CACNA1B: variants seen among roughly 807,000 people sequenced by gnomAD.
The protein encoded by CACNA1B is voltage-dependent N-type calcium channel subunit alpha-1B.
A neutral mutation model predicts 247.2 loss-of-function variants in CACNA1B; 70 were observed. The ratio of observed to expected loss-of-function variants is 0.28; its 90% CI spans 0.23 to 0.35. The LOEUF is 0.35. Ranked by LOEUF, CACNA1B falls within the 10% of genes least tolerant of loss-of-function variation. The pLI is 1.00. For synonymous variants in CACNA1B, 1,231 were observed against 1,294.4 expected, an observed-to-expected ratio of 0.95 and a Z score of 1.05; for missense variants, 2,367 against 3,197.4, an observed-to-expected ratio of 0.74 and a Z score of 6.26.
In CACNA1B at chr9:138,102,780, G is replaced by C. The variant is rs762577612; in HGVS notation, c.5292G>C (p.Lys1764Asn). ...KHMSPPLGLGKKCPARVAYKR... is the reference protein window; with the variant it reads ...KHMSPPLGLGNKCPARVAYKR... ...TGTCCCCGCCTCTGGGGCTGGGGAAGAAATGCCCTGCTCGAGTTGCTTACA... is the reference window on the plus strand; with the variant it reads ...TGTCCCCGCCTCTGGGGCTGGGGAACAAATGCCCTGCTCGAGTTGCTTACA... The change falls in exon 38 of 47, where the codon AAG becomes AAC. Residue 1764 changes from lysine (K) to asparagine (N), a missense_variant. By Grantham distance (94) the Lys-to-Asn change is moderately conservative (BLOSUM62 0). Transcript: ENST00000371372. The surrounding 1 kb of genome is among the most constrained non-coding windows in gnomAD (Gnocchi z 5.4). 1.2e-6 allele frequency: 2 copies of C among 1,612,262 alleles called. No individual in the cohort carries two copies. The highest frequency in any genetic ancestry group is 3.3e-5 in the Admixed American group (2 of 59,954).
chr9:137,976,089 A>T lies in CACNA1B; in HGVS notation c.1656+70A>T, dbSNP rs143911599. 5,474 of 937,062 alleles carry T rather than the reference A, an allele frequency of 5.8e-3. 100 individuals carry two copies. The highest frequency in any genetic ancestry group is 0.05 in the African/African-American group (3,056 of 61,626). The allele number at this position is 937,062 out of a possible 1,614,324, so 58.0% of individuals were successfully genotyped here. A position where few individuals can be genotyped will look rare whatever the true frequency, so the allele number is the denominator to read the frequency against. On this transcript the variant is annotated intron_variant, in intron 12 of 46. Coordinates refer to ENST00000371372, the MANE Select transcript of CACNA1B (RefSeq NM_000718.4). Reference sequence around the variant, plus strand: ...GCAGGTGCACACAGCCCCCTCCCATAGGCCATGCCCAGTGTGGGCTGGGGT... The same window carrying T: ...GCAGGTGCACACAGCCCCCTCCCATTGGCCATGCCCAGTGTGGGCTGGGGT...
intron 10 of CACNA1B, among the ~76,000 whole-genome samples, chr9:137,961,369 T>C (rs926216934): frequency 6.6e-6 from 1 of 152,226 alleles, no homozygotes; most frequent in Non-Finnish European, 1.5e-5. Flanking sequence ...TATTTCTTTA[T>C]CTTGCCAGAT....
rs1004110892 is a variant in CACNA1B, at chr9:138,043,695, A to G, written c.3287-79A>G. The G allele has an allele frequency of 3.2e-6, 5 of 1,547,796 alleles. No homozygotes were observed. The Admixed American group carries it at 5.1e-5, about 16-fold the overall frequency. On this transcript the variant is annotated intron_variant, in intron 20 of 46. Coordinates refer to ENST00000371372, the MANE Select transcript of CACNA1B (RefSeq NM_000718.4). ...AGGACCTGACGCAAGTGCCGGGGGCATGGGAGCTGGGAGGGAGCCACGCAA... is the reference window on the plus strand; with the variant it reads ...AGGACCTGACGCAAGTGCCGGGGGCGTGGGAGCTGGGAGGGAGCCACGCAA...
At chr9:137,994,304 C>G (rs1029471818) in intron 15 of CACNA1B, among the ~76,000 whole-genome samples, 1 of 152,206 alleles carries the variant, frequency 6.6e-6, no homozygotes, top group Non-Finnish European at 1.5e-5. Flanking sequence ...AGGATGCCCA[C>G]TGTCACCACT....
chr9:137,984,384 C>G, intron 13 of CACNA1B, 134 bp downstream of exon 13: 1 of 695,764 alleles, frequency 1.4e-6, no homozygotes, highest in Non-Finnish European at 2.5e-6. Flanking sequence ...GATTTAAATA[C>G]AAAAGGTGGT....
rs1367349056 is a variant in CACNA1B, at chr9:137,954,200, C to T, written c.1071-1498C>T. Among the ~76,000 whole-genome samples the T allele has an allele frequency of 2.0e-5, 3 of 152,196 alleles. No homozygotes were observed. The highest frequency in any genetic ancestry group is 4.4e-5 in the Non-Finnish European group (3 of 68,018). ...GCCCCCAAGCCAGGGGCTGGCACCC[C>T]CCATGTGGGTCCTGCACCCCGGGGT... is the stretch of plus-strand genomic sequence containing the variant. On this transcript the variant is annotated intron_variant, in intron 7 of 46. Transcript: ENST00000371372. This position sits in a 1 kb window ranked among gnomAD's most constrained non-coding sequence, Gnocchi z 4.1.
chr9:137,986,951 T>G lies in CACNA1B; in HGVS notation c.1974+97T>G. Reference sequence around the variant, plus strand: ...CTCCTGTCATTCCCTCCCTTGTTCCTCCACACGGCCCAGATCACTGACTTT... The same window carrying G: ...CTCCTGTCATTCCCTCCCTTGTTCCGCCACACGGCCCAGATCACTGACTTT... On this transcript the variant is annotated intron_variant, in intron 15 of 46. Transcript: ENST00000371372. The surrounding 1 kb of genome is among the most constrained non-coding windows in gnomAD (Gnocchi z 6.0). The G allele has an allele frequency of 1.1e-6, 1 of 910,308 alleles. No homozygotes were observed. The highest frequency in any genetic ancestry group is 1.8e-6 in the Non-Finnish European group (1 of 545,884). The allele number at this position is 910,308 out of a possible 1,614,324, so 56.4% of individuals were successfully genotyped here. A position where few individuals can be genotyped will look rare whatever the true frequency, so the allele number is the denominator to read the frequency against.
intron 3 of CACNA1B, among the ~76,000 whole-genome samples, chr9:137,897,366 G>A (rs531955044): frequency 6.6e-6 from 1 of 152,208 alleles, no homozygotes; most frequent in South Asian, 2.1e-4. Context: ...GATCACCTGA[G>A]GTCAGGAGTT....
In CACNA1B at chr9:137,956,720, G is replaced by C. The variant is rs1190402471; in HGVS notation, c.1187-51G>C. The C allele has an allele frequency of 2.6e-6, 4 of 1,540,128 alleles. No individual in the cohort carries two copies. In the African/African-American group the frequency reaches 4.1e-5, roughly 16 times the overall value. Reference sequence around the variant, plus strand: ...GACAGAGATGTGCCTCTGTCCTGGGGCATTCCTGGGGTCAGGAGGGCTCTG... The same window carrying C: ...GACAGAGATGTGCCTCTGTCCTGGGCCATTCCTGGGGTCAGGAGGGCTCTG... On this transcript the variant is annotated intron_variant, in intron 8 of 46. Transcript: ENST00000371372.
chr9:138,043,785 G>A lies in CACNA1B; in HGVS notation c.3298G>A (p.Asp1100Asn), dbSNP rs769456458. 8.1e-6 allele frequency: 13 copies of A among 1,613,936 alleles called. 1 individual carries two copies. The highest frequency in any genetic ancestry group is 1.7e-5 in the Admixed American group (1 of 60,022). ...CTGTGTCCTTGTAGGTGGTAACGTG[G>A]ACCTGGAAAGCCAAGCAGAGGGGAA... ...EATVVPSGNV[D>N]LESQAEGKKE... The change falls in exon 21 of 47, where the codon GAC becomes AAC. Residue 1100 changes from aspartate (D) to asparagine (N), a missense_variant. Physicochemically the swap from Asp to Asn is conservative, Grantham distance 23 (BLOSUM62 1). Around this residue, in one of 12 missense-constraint regions of CACNA1B, gnomAD observed 631 missense variants for 631.1 expected, o/e 1.00. Transcript: ENST00000371372.
At chr9:137,956,740 G>T (rs1957953688) in intron 8 of CACNA1B, 31 bp from the exon 9 acceptor site, 1 of 1,604,908 alleles carries the variant, frequency 6.2e-7, no homozygotes, top group African/African-American at 1.3e-5. Context: ...GGTCAGGAGG[G>T]CTCTGACCTG....
At chr9:138,104,804 G>A (rs749511967) in intron 38 of CACNA1B, among the ~76,000 whole-genome samples, 11 of 152,232 alleles carry the variant, frequency 7.2e-5, no homozygotes, top group Non-Finnish European at 1.5e-4. Context: ...TGCTCCCCAC[G>A]CTCAAAATAT....
intron 38 of CACNA1B, 147 bp from the exon 39 acceptor site, chr9:138,105,552 C>T (rs899389601): frequency 6.8e-6 from 4 of 592,442 alleles, no homozygotes; most frequent in African/African-American, 5.5e-5. Context: ...AAAACTCCCA[C>T]CCGCCCCACC....
intron 39 of CACNA1B, among the ~76,000 whole-genome samples, chr9:138,111,463 C>T (rs753731673): frequency 5.5e-4 from 83 of 152,192 alleles, no homozygotes; most frequent in African/African-American, 1.9e-3. Flanking sequence ...GGACCCAAAA[C>T]ACATCAGTGG....
chr9:138,021,951 T>C (rs1300680848), intron 18 of CACNA1B, among the ~76,000 whole-genome samples: 1 of 152,182 alleles, frequency 6.6e-6, no homozygotes, highest in African/African-American at 2.4e-5. Flanking sequence ...TCCCTGGCGA[T>C]GGTGGGGCTT....
At position 137,952,151 on chromosome 9, in the gene CACNA1B, A is replaced by T; in HGVS notation, c.967-123A>T. The T allele has an allele frequency of 1.4e-6, 1 of 721,314 alleles. No individual in the cohort carries two copies. 44.7% of individuals were successfully genotyped at this position (721,314 alleles called of 1,614,324 possible). A position where few individuals can be genotyped will look rare whatever the true frequency, so the allele number is the denominator to read the frequency against. On this transcript the variant is annotated intron_variant, in intron 6 of 46. Transcript: ENST00000371372. The surrounding 1 kb of genome is among the most constrained non-coding windows in gnomAD (Gnocchi z 4.8). ...GGACCTCCCTGTGACTGGCCTCCCCACTGCCTGGACCCTACCAGGTGTGTG... is the reference window on the plus strand; with the variant it reads ...GGACCTCCCTGTGACTGGCCTCCCCTCTGCCTGGACCCTACCAGGTGTGTG...
chr9:138,024,851 C>G (rs965677027), intron 19 of CACNA1B, 104 bp from the exon 20 acceptor site: 1 of 785,588 alleles, frequency 1.3e-6, no homozygotes, highest in African/African-American at 1.7e-5. Flanking sequence ...CCAGGCTGGT[C>G]TTGAACTCCT....
At position 138,049,435 on chromosome 9, in the gene CACNA1B, T is replaced by C. The variant is rs41298145; in HGVS notation, c.3710+120T>C. 17,531 of 722,458 alleles carry C rather than the reference T, an allele frequency of 0.024. 284 individuals carry two copies. Among genetic ancestry groups the C allele is most frequent in the Non-Finnish European group, 0.032 (12,628 of 399,600 alleles). 44.8% of individuals were successfully genotyped at this position (722,458 alleles called of 1,614,324 possible). A position where few individuals can be genotyped will look rare whatever the true frequency, so the allele number is the denominator to read the frequency against. ...TTCCCTGGGCTGCCTGTGGCTCTGTTGCTGTCCATGTGGGACTGTCCCTGC... is the reference window on the plus strand; with the variant it reads ...TTCCCTGGGCTGCCTGTGGCTCTGTCGCTGTCCATGTGGGACTGTCCCTGC... On this transcript the variant is annotated intron_variant, in intron 24 of 46. Coordinates refer to ENST00000371372, the MANE Select transcript of CACNA1B (RefSeq NM_000718.4).
intron 10 of CACNA1B, among the ~76,000 whole-genome samples, chr9:137,960,580 C>G (rs1486484703): frequency 6.6e-6 from 1 of 151,700 alleles, no homozygotes; most frequent in East Asian, 1.9e-4. Flanking sequence ...TGAGGGACCT[C>G]TGGGAAAGGA....
Sources: gnomAD v4.1 joint callset for allele counts (sites outside exome capture counted in the v4.1 genomes callset) on GRCh38, gnomAD v4.1.1 for gene constraint, gnomAD v4.1.1 regional missense constraint, Gnocchi (gnomAD v3.1) non-coding constraint, MANE v1.5 for transcripts, NCBI Gene and HGNC (gene_info 2026-07-23, HGNC 2026-07-21) for gene names.